The following USP25 variants were observed in gnomAD, a reference collection of about 807,000 sequenced individuals.
The protein encoded by USP25 is ubiquitin carboxyl-terminal hydrolase 25.
A neutral mutation model predicts 158.5 loss-of-function variants in USP25; 85 were observed. That is an observed-to-expected ratio of 0.54 (90% CI 0.45 to 0.64). The LOEUF is 0.64. Among genes scored for constraint, USP25 ranks in the 30% least tolerant of loss-of-function variants. The pLI is 0.00. For synonymous variants in USP25, 464 were observed against 460.4 expected (o/e 1.01, Z -0.10); for missense variants, 1,242 against 1,327.3 (o/e 0.94, Z 1.00).
intron 4 of USP25, among the ~76,000 whole-genome samples, chr21:15,787,705 TGAGATGTTTCATTACCCG>T (rs2035356992): frequency 6.6e-6 from 1 of 152,034 alleles, no homozygotes; most frequent in African/African-American, 2.4e-5. Context: ...GGAAATCAAA[TGAGATGTTTCATTACCCG>T]CCGCCCCCTT....
In USP25 at chr21:15,802,802, G is replaced by A. The variant is rs76448751; in HGVS notation, c.643-2319G>A. ...AAGCAGAAGTAAGGAAATAATAAAG[G>A]TAATAGCAGAAATCTGTGAACCAAA... On this transcript the variant is annotated intron_variant, in intron 6 of 25. Coordinates refer to ENST00000400183, the MANE Select transcript of USP25 (RefSeq NM_001283041.3). Among the ~76,000 whole-genome samples the A allele has an allele frequency of 9.6e-3, 1,462 of 151,668 alleles. 8 individuals carry two copies. Among genetic ancestry groups the A allele is most frequent in the Non-Finnish European group, 0.014 (915 of 67,654 alleles).
chr21:15,765,586 C>A (rs1471772085), intron 2 of USP25, among the ~76,000 whole-genome samples: 1 of 151,934 alleles, frequency 6.6e-6, no homozygotes, highest in African/African-American at 2.4e-5. Context: ...ATCCAGCACC[C>A]AGATTAAAAG....
rs1218284141 is a variant in USP25 at position 15,778,139 on chromosome 21, A to G, written c.392+112A>G. 16 of 982,806 alleles carry G rather than the reference A, an allele frequency of 1.6e-5. No individual in the cohort carries two copies. The East Asian group carries it at 4.5e-4, about 28-fold the overall frequency. 60.9% of individuals were successfully genotyped at this position (982,806 alleles called of 1,614,324 possible). A position where few individuals can be genotyped will look rare whatever the true frequency, so the allele number is the denominator to read the frequency against. ...AAGATATACTTTGTTACTCTAAACTAGTAATATGCTTGTGTATTTTTAAAT... is the reference window on the plus strand; with the variant it reads ...AAGATATACTTTGTTACTCTAAACTGGTAATATGCTTGTGTATTTTTAAAT... On this transcript the variant is annotated intron_variant, in intron 4 of 25. Coordinates refer to ENST00000400183, the MANE Select transcript of USP25 (RefSeq NM_001283041.3).
At position 15,778,013 on chromosome 21, in the gene USP25, A is replaced by T; in HGVS notation, c.378A>T (p.Glu126Asp). The T allele has an allele frequency of 1.9e-6, 3 of 1,605,554 alleles. No individual in the cohort carries two copies. Among genetic ancestry groups the T allele is most frequent in the South Asian group, 1.1e-5 (1 of 89,100 alleles). Residue 126 changes from glutamate to aspartate, a missense_variant, in exon 4 of 26, where the codon GAA becomes GAT. Transcript: ENST00000400183. ...GGGAGACTGGAATAACTGATGAGGAACAAGCCATTAGCAGGTAAAAACATA... is the reference window on the plus strand; with the variant it reads ...GGGAGACTGGAATAACTGATGAGGATCAAGCCATTAGCAGGTAAAAACATA... ...AFRETGITDE[E>D]QAISRVLEAS...
In USP25 at chr21:15,878,362, A is replaced by T. The variant is rs1236885227; in HGVS notation, c.3265A>T (p.Ile1089Phe). The T allele has an allele frequency of 4.3e-6, 7 of 1,613,958 alleles. No individual in the cohort carries two copies. The South Asian group carries it at 6.6e-5, about 15-fold the overall frequency. ...AAAACTGCTTGATTGTTCTATGGAGATTAAAAGTTTCCATGAGCCACCGAA... is the reference window on the plus strand; with the variant it reads ...AAAACTGCTTGATTGTTCTATGGAGTTTAAAAGTTTCCATGAGCCACCGAA... ...LPKLLDCSME[I>F]KSFHEPPKLP... is the part of the protein sequence containing the mutation. The change falls in exon 26 of 26, where the codon ATT becomes TTT. Residue 1089 changes from isoleucine (I) to phenylalanine (F), a missense_variant. Ile to Phe is a conservative substitution (Grantham distance 21). Transcript: ENST00000400183.
At chr21:15,844,909 G>A (rs980635675) in intron 18 of USP25, among the ~76,000 whole-genome samples, 1 of 152,054 alleles carries the variant, frequency 6.6e-6, no homozygotes, top group Non-Finnish European at 1.5e-5. Context: ...AAAACATTTA[G>A]TGGCTGAGTA....
At chr21:15,820,868 A>C (rs557837066) in intron 10 of USP25, among the ~76,000 whole-genome samples, 2 of 152,114 alleles carry the variant, frequency 1.3e-5, no homozygotes, top group Admixed American at 1.3e-4. Context: ...GAAGACCTCC[A>C]GTCTTCCAAG....
At chr21:15,750,210 G>A (rs866673405) in intron 1 of USP25, among the ~76,000 whole-genome samples, 2 of 105,204 alleles carry the variant, frequency 1.9e-5, no homozygotes, top group Non-Finnish European at 3.8e-5. Context: ...GTGTGTGTGT[G>A]TATGTTTTTT....
intron 3 of USP25, among the ~76,000 whole-genome samples, chr21:15,772,198 A>G (rs1383482921): frequency 2.6e-5 from 4 of 152,284 alleles, no homozygotes; most frequent in African/African-American, 9.6e-5. Context: ...GATGACTAGC[A>G]TATATTTTGG....
At chr21:15,792,441 T>C (rs1370607181) in intron 5 of USP25, among the ~76,000 whole-genome samples, 1 of 151,698 alleles carries the variant, frequency 6.6e-6, no homozygotes, top group African/African-American at 2.4e-5. Flanking sequence ...GAAAGTTAAC[T>C]AATGTTTTGT....
chr21:15,849,746 T>C, intron 19 of USP25, 31 bp from the exon 20 acceptor site: 2 of 1,464,980 alleles, frequency 1.4e-6, no homozygotes, highest in Non-Finnish European at 1.8e-6. Flanking sequence ...TTTAAAAACC[T>C]TTTTTTAATG....
At chr21:15,732,445 C>T (rs1184546397) in intron 1 of USP25, among the ~76,000 whole-genome samples, 2 of 152,088 alleles carry the variant, frequency 1.3e-5, no homozygotes, top group East Asian at 1.9e-4. Flanking sequence ...GATTTAAATC[C>T]GTCAAGCTAG....
In USP25 at chr21:15,827,156, A is replaced by C. The variant is rs368814254; in HGVS notation, c.1646A>C (p.Glu549Ala). The change falls in exon 14 of 26, where the codon GAA becomes GCA. Residue 549 changes from glutamate to alanine, a missense_variant. Glu to Ala is a moderately radical substitution (Grantham distance 107, BLOSUM62 -1). Coordinates refer to ENST00000400183, the MANE Select transcript of USP25 (RefSeq NM_001283041.3). ...HITEEELSVL[E>A]SCLHRWRTEI... is the part of the protein sequence containing the mutation. Reference sequence around the variant, plus strand: ...ACGGAGGAAGAACTTTCTGTGCTGGAAAGTTGTTTACATCGCTGGAGGACA... The same window carrying C: ...ACGGAGGAAGAACTTTCTGTGCTGGCAAGTTGTTTACATCGCTGGAGGACA... The C allele has an allele frequency of 1.2e-6, 2 of 1,614,214 alleles. No homozygotes were observed. Among genetic ancestry groups the C allele is most frequent in the Non-Finnish European group, 1.7e-6 (2 of 1,180,036 alleles).
intron 20 of USP25, among the ~76,000 whole-genome samples, chr21:15,864,037 T>C (rs1233734590): frequency 1.3e-5 from 2 of 149,248 alleles, no homozygotes; most frequent in Non-Finnish European, 3.0e-5. Context: ...ACTTCTTTTT[T>C]TTTTTTTTTT....
chr21:15,874,373 A>G (rs765721002), intron 23 of USP25, 30 bp from the exon 24 acceptor site: 3 of 1,561,364 alleles, frequency 1.9e-6, no homozygotes, highest in African/African-American at 2.8e-5. Flanking sequence ...GTGAAATACT[A>G]ATGTTATATG....
At chr21:15,774,388 A>G (rs1279093713) in intron 3 of USP25, among the ~76,000 whole-genome samples, 1 of 152,222 alleles carries the variant, frequency 6.6e-6, no homozygotes, top group African/African-American at 2.4e-5. Flanking sequence ...TCAAGCTCAC[A>G]GTGGTAGAAA....
rs2038439556 is a variant in USP25 at position 15,843,529 on chromosome 21, A to C, written c.2337+989A>C. Among the ~76,000 whole-genome samples, 1 of 152,218 alleles carries C rather than the reference A, an allele frequency of 6.6e-6. No individual in the cohort carries two copies. Among genetic ancestry groups the C allele is most frequent in the African/African-American group, 2.4e-5 (1 of 41,468 alleles). ...AACAATACAAATTATTTTTTGTTTG[A>C]ACAATTTTGAAAATGTATTAATATA... On this transcript the variant is annotated intron_variant, in intron 18 of 25. Coordinates refer to ENST00000400183, the MANE Select transcript of USP25 (RefSeq NM_001283041.3). This position sits in a 1 kb window ranked among gnomAD's most constrained non-coding sequence, Gnocchi z 4.0.
Position 15,879,048 on chromosome 21 carries a change from A to G in USP25, c.*573A>G, listed in dbSNP as rs2040203371. 6.6e-6 allele frequency: 1 copy of G among 152,518 alleles called. No individual in the cohort carries two copies. Among genetic ancestry groups the G allele is most frequent in the Non-Finnish European group, 1.5e-5 (1 of 68,010 alleles). 9.4% of individuals were successfully genotyped at this position (152,518 alleles called of 1,614,324 possible). ...CTGCTCTAATGCTAGCAAATTGGAA[A>G]ATGTTTAAGTCTTTGACACTTAAAT... is the stretch of plus-strand genomic sequence containing the variant. On this transcript the variant is annotated 3_prime_UTR_variant, in exon 26 of 26. Coordinates refer to ENST00000400183, the MANE Select transcript of USP25 (RefSeq NM_001283041.3).
At chr21:15,795,325 T>C (rs2035807214) in intron 5 of USP25, among the ~76,000 whole-genome samples, 1 of 151,646 alleles carries the variant, frequency 6.6e-6, no homozygotes, top group Non-Finnish European at 1.5e-5. Context: ...TACTTTGTTA[T>C]CCTGGAGTTG....
Sources: gnomAD v4.1 joint callset for allele counts (sites outside exome capture counted in the v4.1 genomes callset) on GRCh38, gnomAD v4.1.1 for gene constraint, Gnocchi (gnomAD v3.1) non-coding constraint, MANE v1.5 for transcripts, NCBI Gene and HGNC (gene_info 2026-07-23, HGNC 2026-07-21) for gene names.